The following SATL1 variants were observed in gnomAD, a reference collection of about 807,000 sequenced individuals.
SATL1 encodes the protein spermidine/spermine N1-acetyl transferase like 1.
A neutral mutation model predicts 51.8 loss-of-function variants in SATL1; 47 were observed. The ratio of observed to expected loss-of-function variants is 0.91; its 90% CI spans 0.72 to 1.16. The LOEUF (loss-of-function observed/expected upper bound fraction) is 1.16. SATL1 is among the 50% of genes most tolerant of loss of function. The pLI is 0.00. For missense variants in SATL1, 520 were observed against 526.4 expected, an observed-to-expected ratio of 0.99 and a Z score of 0.12; for synonymous variants, 176 against 182.4, an observed-to-expected ratio of 0.97 and a Z score of 0.28.
intron 2 of SATL1, among the ~76,000 whole-genome samples, chrX:85,110,057 C>T (rs1035543432): frequency 8.9e-6 from 1 of 111,756 alleles, no homozygotes. Context: ...TTACTGAGTT[C>T]CTTTATGGCC....
chrX:85,204,970 T>C (rs887039808), intron 2 of SATL1, among the ~76,000 whole-genome samples: 4 of 112,163 alleles, frequency 3.6e-5, no homozygotes, highest in Non-Finnish European at 7.5e-5. Flanking sequence ...TTATTCTTCT[T>C]ATGAGGGCAC....
In SATL1 at chrX:85,113,576, G is replaced by A. The variant is rs370164633; in HGVS notation, c.-312-4296C>T. ...TGATGAGTCTAGAGCCTAATAACACGTATACTATATTTTTTAAACATAATT... is the reference window on the plus strand; with the variant it reads ...TGATGAGTCTAGAGCCTAATAACACATATACTATATTTTTTAAACATAATT... On this transcript the variant is annotated intron_variant, in intron 2 of 7. Coordinates refer to ENST00000644105, the MANE Select transcript of SATL1 (RefSeq NM_001367857.2). 7.2e-5 allele frequency among the ~76,000 whole-genome samples: 8 copies of A among 111,621 alleles called. No homozygotes were observed. The South Asian group carries it at 1.5e-3, about 21-fold the overall frequency.
rs186975006 is a variant in SATL1, at chrX:85,128,348, G to A, written c.-312-19068C>T. ...TTTAATGATCACCATTCTAACTGGCGTGAGATGGTATCTCATTGTGGTTTT... is the reference window on the plus strand; with the variant it reads ...TTTAATGATCACCATTCTAACTGGCATGAGATGGTATCTCATTGTGGTTTT... On this transcript the variant is annotated intron_variant, in intron 2 of 7. Coordinates refer to ENST00000644105, the MANE Select transcript of SATL1 (RefSeq NM_001367857.2). Among the ~76,000 whole-genome samples, 731 of 111,876 alleles carry A rather than the reference G, an allele frequency of 6.5e-3. 9 individuals carry two copies. The highest frequency in any genetic ancestry group is 0.023 in the African/African-American group (695 of 30,797).
chrX:85,198,195 T>C (rs1927613991), intron 2 of SATL1, among the ~76,000 whole-genome samples: 1 of 112,127 alleles, frequency 8.9e-6, no homozygotes, highest in African/African-American at 3.2e-5. Context: ...TAGTATTCCA[T>C]TGTGCATATG....
intron 2 of SATL1, among the ~76,000 whole-genome samples, chrX:85,110,118 C>T (rs1271732651): frequency 1.8e-5 from 2 of 112,171 alleles, no homozygotes; most frequent in Admixed American, 9.4e-5. Flanking sequence ...CACATCAACA[C>T]TATTATCCCC....
At position 85,197,111 on chromosome X, in the gene SATL1, G is replaced by A. The variant is rs186040350; in HGVS notation, c.-313+27094C>T. On this transcript the variant is annotated intron_variant, in intron 2 of 7. Transcript: ENST00000644105. ...ATATGTCTGCTAAAGGACTTGTATCGAGAATATATTGAAGAGCTCCTACAA... is the reference window on the plus strand; with the variant it reads ...ATATGTCTGCTAAAGGACTTGTATCAAGAATATATTGAAGAGCTCCTACAA... Among the ~76,000 whole-genome samples the A allele has an allele frequency of 2.3e-4, 26 of 112,166 alleles. No individual in the cohort carries two copies. The East Asian group carries it at 6.2e-3, about 27-fold the overall frequency.
intron 2 of SATL1, among the ~76,000 whole-genome samples, chrX:85,177,854 T>G (rs764287320): frequency 9.0e-6 from 1 of 111,145 alleles, no homozygotes; most frequent in East Asian, 2.8e-4. Flanking sequence ...TTTCTAACAA[T>G]TGGGTCAATA....
intron 2 of SATL1, among the ~76,000 whole-genome samples, chrX:85,119,191 C>T (rs778758337): frequency 2.1e-3 from 233 of 111,472 alleles, no homozygotes; most frequent in Non-Finnish European, 3.5e-3. Flanking sequence ...GCTACAGTCC[C>T]TGGGTTCAGC....
intron 2 of SATL1, among the ~76,000 whole-genome samples, chrX:85,130,006 A>G (rs1017015785): frequency 1.8e-5 from 2 of 111,892 alleles, no homozygotes; most frequent in African/African-American, 6.5e-5. Context: ...CAACTTGTTC[A>G]TGGTGGATAA....
intron 2 of SATL1, among the ~76,000 whole-genome samples, chrX:85,152,830 G>T (rs1353422951): frequency 1.8e-5 from 2 of 110,182 alleles, no homozygotes; most frequent in Admixed American, 9.7e-5. Flanking sequence ...GGTGGGGGTA[G>T]TGGGGAGGGA....
intron 2 of SATL1, among the ~76,000 whole-genome samples, chrX:85,182,501 C>A (rs1412851376): frequency 2.7e-5 from 3 of 111,704 alleles, no homozygotes; most frequent in Non-Finnish European, 5.7e-5. Flanking sequence ...TTGTTTGACA[C>A]CTTGGTTGTT....
intron 2 of SATL1, among the ~76,000 whole-genome samples, chrX:85,188,112 A>C (rs1023883624): frequency 3.6e-5 from 4 of 111,770 alleles, no homozygotes; most frequent in Non-Finnish European, 5.6e-5. Context: ...CTTTGCAAAT[A>C]AATTTTTACC....
intron 2 of SATL1, among the ~76,000 whole-genome samples, chrX:85,164,987 G>T (rs1255687917): frequency 9.0e-6 from 1 of 111,003 alleles, no homozygotes; most frequent in Non-Finnish European, 1.9e-5. Context: ...GCCTCCCAAA[G>T]TGTTGGGATT....
rs1924706416 is a variant in SATL1, at chrX:85,095,867, C to T, written c.1694-871G>A. Among the ~76,000 whole-genome samples, 3 of 101,917 alleles carry T rather than the reference C, an allele frequency of 2.9e-5. No individual in the cohort carries two copies. The South Asian group carries it at 1.4e-3, about 49-fold the overall frequency. 88.5% of individuals were successfully genotyped at this position (101,917 alleles called of 115,157 possible). A position where few individuals can be genotyped will look rare whatever the true frequency, so the allele number is the denominator to read the frequency against. ...AAAAAAAAAAAAGATGGAGAGGGGA[C>T]CTGAGAACACATTAAGCTTTCAACT... On this transcript the variant is annotated intron_variant, in intron 4 of 7. Coordinates refer to ENST00000644105, the MANE Select transcript of SATL1 (RefSeq NM_001367857.2).
intron 3 of SATL1, 48 bp downstream of exon 3, chrX:85,107,280 A>G (rs752372827): frequency 4.6e-5 from 49 of 1,073,745 alleles, no homozygotes; most frequent in Non-Finnish European, 6.3e-5. Flanking sequence ...TTACTCTTTC[A>G]GCCCTACACC....
At chrX:85,125,804 G>GTGATCCATT (rs1925613363) in intron 2 of SATL1, among the ~76,000 whole-genome samples, 1 of 109,510 alleles carries the variant, frequency 9.1e-6, no homozygotes, top group Non-Finnish European at 1.9e-5. Flanking sequence ...TACCAAATAT[G>GTGATCCATT]TGATCCATTG....
intron 2 of SATL1, among the ~76,000 whole-genome samples, chrX:85,130,479 G>T (rs1925758107): frequency 9.0e-6 from 1 of 111,370 alleles, no homozygotes; most frequent in South Asian, 3.8e-4. Context: ...ATTTCTGTGG[G>T]ATCGGTGGTG....
At chrX:85,190,102 A>C (rs1392349491) in intron 2 of SATL1, among the ~76,000 whole-genome samples, 1 of 112,137 alleles carries the variant, frequency 8.9e-6, no homozygotes, top group African/African-American at 3.2e-5. Flanking sequence ...CATTTGACCC[A>C]TACTGCCTAC....
chrX:85,157,940 A>G (rs113959225), intron 2 of SATL1, among the ~76,000 whole-genome samples: 1,772 of 111,582 alleles, frequency 0.016, 30 homozygotes, highest in African/African-American at 0.055. Flanking sequence ...GGGAATTAGG[A>G]AGCAGAAATG....
Sources: allele counts gnomAD v4.1 joint callset (sites outside exome capture counted in the v4.1 genomes callset), GRCh38; gene constraint gnomAD v4.1.1; transcripts MANE v1.5; gene names NCBI Gene and HGNC (gene_info 2026-07-23, HGNC 2026-07-21).